RNGTT: variants seen among roughly 807,000 people sequenced by gnomAD.
RNGTT encodes the protein mRNA-capping enzyme.
In RNGTT, 33 loss-of-function variants were observed where a neutral mutation model predicts 79.3. The ratio of observed to expected loss-of-function variants is 0.42; its 90% confidence interval spans 0.32 to 0.56. The LOEUF is 0.56. Ranked by LOEUF, RNGTT falls within the 20% of genes least tolerant of loss-of-function variation. The probability of loss-of-function intolerance (pLI) is 0.17; values close to 1 mark genes in which losing one functional copy is unlikely to be tolerated. For synonymous variants in RNGTT, 222 were observed against 235.9 expected (o/e 0.94, Z 0.54); for missense variants, 497 against 739.1 (o/e 0.67, Z 3.80).
At chr6:88,757,714 G>C (rs1055188200) in intron 13 of RNGTT, among the ~76,000 whole-genome samples, 1 of 152,152 alleles carries the variant, frequency 6.6e-6, no homozygotes, top group African/African-American at 2.4e-5. Flanking sequence ...TTCAATGAAA[G>C]TAGGAACAAA....
At chr6:88,778,167 A>T (rs1214687314) in intron 12 of RNGTT, among the ~76,000 whole-genome samples, 1 of 152,216 alleles carries the variant, frequency 6.6e-6, no homozygotes, top group Non-Finnish European at 1.5e-5. Flanking sequence ...ATGTATTCTG[A>T]GTACAAAGTA....
intron 12 of RNGTT, among the ~76,000 whole-genome samples, chr6:88,772,461 G>A (rs1449557447): frequency 1.3e-5 from 2 of 152,024 alleles, no homozygotes; most frequent in African/African-American, 2.4e-5. Flanking sequence ...GACCTAAAGA[G>A]TCAAACAAAT....
In RNGTT at chr6:88,929,771, T is replaced by C. The variant is rs1042962416; in HGVS notation, c.175-504A>G. ...CATTTTATATCCCAGGCTTAAAAGA[T>C]GAGACAATCCATTTATATCATATAT... On this transcript the variant is annotated intron_variant, in intron 2 of 15. Coordinates refer to ENST00000369485, the MANE Select transcript of RNGTT (RefSeq NM_003800.5). Among the ~76,000 whole-genome samples, 48 of 151,862 alleles carry C rather than the reference T, an allele frequency of 3.2e-4. 1 individual carries two copies. Among genetic ancestry groups the C allele is most frequent in the Non-Finnish European group, 2.4e-4 (16 of 67,972 alleles).
chr6:88,665,509 T>C (rs1774368078), intron 14 of RNGTT, among the ~76,000 whole-genome samples: 1 of 152,206 alleles, frequency 6.6e-6, no homozygotes, highest in Admixed American at 6.5e-5. Context: ...ACAGTGACTT[T>C]CCATCCAACA....
chr6:88,612,772 C>T lies in RNGTT; in HGVS notation c.1741G>A (p.Asp581Asn). 9.9e-6 allele frequency: 16 copies of T among 1,613,370 alleles called. No individual in the cohort carries two copies. Among genetic ancestry groups the T allele is most frequent in the Non-Finnish European group, 1.3e-5 (15 of 1,179,922 alleles). ...GGTGGTGGTGGCATGAGCTCCGTGT[C>T]AGGGTCCAGATGATGTTTTCGCTTC... ...GQKRKHHLDP[D>N]TELMPPPPPK... Residue 581 changes from aspartate (D) to asparagine (N), a missense_variant, in exon 16 of 16, where the codon GAC (aspartate) becomes AAC (asparagine). Asp to Asn is a conservative substitution (Grantham distance 23). Coordinates refer to ENST00000369485, the MANE Select transcript of RNGTT (RefSeq NM_003800.5).
intron 2 of RNGTT, among the ~76,000 whole-genome samples, chr6:88,937,854 CTTA>C (rs1447987010): frequency 6.6e-6 from 1 of 152,038 alleles, no homozygotes; most frequent in African/African-American, 2.4e-5. Flanking sequence ...TCCAAAGTCC[CTTA>C]TTATTGACTT....
chr6:88,935,667 T>C (rs1215508550), intron 2 of RNGTT, among the ~76,000 whole-genome samples: 2 of 152,182 alleles, frequency 1.3e-5, no homozygotes, highest in Admixed American at 1.3e-4. Context: ...GAAAGTATGG[T>C]CATTTTAACA....
intron 13 of RNGTT, among the ~76,000 whole-genome samples, chr6:88,758,933 G>A (rs1778113301): frequency 6.6e-6 from 1 of 151,964 alleles, no homozygotes; most frequent in East Asian, 1.9e-4. Flanking sequence ...CAATGTGCAG[G>A]TTTGTTACAT....
chr6:88,884,460 T>G (rs1291568862), intron 8 of RNGTT, among the ~76,000 whole-genome samples: 1 of 152,140 alleles, frequency 6.6e-6, no homozygotes, highest in Non-Finnish European at 1.5e-5. Flanking sequence ...CATCTGCTCA[T>G]CTGTACAAAA....
intron 9 of RNGTT, among the ~76,000 whole-genome samples, 172 bp from the exon 10 acceptor site, chr6:88,849,998 C>A (rs2127905024): frequency 6.6e-6 from 1 of 151,890 alleles, no homozygotes; most frequent in African/African-American, 2.4e-5. Context: ...GTTAGCCCCC[C>A]ATCCCCATCA....
rs1430646918 is a variant in RNGTT, at chr6:88,796,283, AC to A, written c.1338+5280del. Among the ~76,000 whole-genome samples the A allele has an allele frequency of 1.8e-3, 270 of 152,272 alleles. 5 individuals are homozygous for A. Among genetic ancestry groups the A allele is most frequent in the Non-Finnish European group, 2.4e-4 (16 of 68,000 alleles). On this transcript the variant is annotated intron_variant, in intron 12 of 15. Coordinates refer to ENST00000369485, the MANE Select transcript of RNGTT (RefSeq NM_003800.5). The stretch of plus-strand genomic sequence containing the variant: ...TATATATGTGGATCATATTTGTGTT[AC>A]ATGTTATATTTCTATCAGTCAGTAC...
intron 4 of RNGTT, among the ~76,000 whole-genome samples, chr6:88,911,278 G>A (rs1329096680): frequency 1.3e-5 from 2 of 152,152 alleles, no homozygotes; most frequent in Non-Finnish European, 2.9e-5. Context: ...CAAAGTAAAG[G>A]GATGGAGAAA....
chr6:88,707,690 G>C (rs1776177261), intron 13 of RNGTT, among the ~76,000 whole-genome samples: 1 of 146,906 alleles, frequency 6.8e-6, no homozygotes, highest in Admixed American at 6.8e-5. Context: ...GGTGAATTTG[G>C]CAATAATAAG....
At chr6:88,761,838 T>G (rs905804830) in intron 13 of RNGTT, among the ~76,000 whole-genome samples, 1 of 152,072 alleles carries the variant, frequency 6.6e-6, no homozygotes, top group Admixed American at 6.5e-5. Context: ...CTTCCAACAG[T>G]TTTTCAAAGG....
At chr6:88,869,309 C>T (rs1383097417) in intron 8 of RNGTT, among the ~76,000 whole-genome samples, 2 of 152,166 alleles carry the variant, frequency 1.3e-5, no homozygotes, top group Non-Finnish European at 2.9e-5. Flanking sequence ...TCATAAGAAG[C>T]TTCCTCACAG....
chr6:88,944,710 A>G (rs1340650170), intron 1 of RNGTT, among the ~76,000 whole-genome samples: 2 of 152,122 alleles, frequency 1.3e-5, no homozygotes, highest in African/African-American at 4.8e-5. Flanking sequence ...ACATACTCCT[A>G]TCTTTACTTC....
intron 4 of RNGTT, among the ~76,000 whole-genome samples, chr6:88,923,882 T>C (rs1465612518): frequency 6.6e-6 from 1 of 152,236 alleles, no homozygotes; most frequent in Non-Finnish European, 1.5e-5. Context: ...AAGATTCCTT[T>C]CTCTGGCAAC....
At chr6:88,781,873 C>A (rs777000952) in intron 12 of RNGTT, among the ~76,000 whole-genome samples, 24 of 152,046 alleles carry the variant, frequency 1.6e-4, no homozygotes, top group Non-Finnish European at 3.2e-4. Flanking sequence ...ATTCCATATT[C>A]CACCAATTAT....
At chr6:88,941,225 T>A (rs757520880) in intron 1 of RNGTT, 45 bp from the exon 2 acceptor site, 1 of 1,266,528 alleles carries the variant, frequency 7.9e-7, no homozygotes. Context: ...AGGAAATGTT[T>A]CAGATTAAAA....
Sources: gnomAD v4.1 joint callset for allele counts (sites outside exome capture counted in the v4.1 genomes callset) on GRCh38, gnomAD v4.1.1 for gene constraint, MANE v1.5 for transcripts, NCBI Gene and HGNC (gene_info 2026-07-23, HGNC 2026-07-21) for gene names.